The following PDE1A variants were observed in gnomAD, a reference collection of about 807,000 sequenced individuals.
PDE1A encodes the protein dual specificity calcium/calmodulin-dependent 3',5'-cyclic nucleotide phosphodiesterase 1A.
A neutral mutation model predicts 61.7 loss-of-function variants in PDE1A; 35 were observed. The ratio of observed to expected loss-of-function variants is 0.57; its 90% confidence interval spans 0.43 to 0.75. The LOEUF (loss-of-function observed/expected upper bound fraction) is 0.75. PDE1A is among the 30% of genes least tolerant of loss of function. The pLI, the probability that PDE1A is intolerant of heterozygous loss-of-function variation, is 0.00. For missense variants in PDE1A, 597 were observed against 630.6 expected (o/e 0.95, Z 0.57); for synonymous variants, 232 against 213.2 (o/e 1.09, Z -0.77).
intron 1 of PDE1A, among the ~76,000 whole-genome samples, chr2:182,313,350 G>T (rs1284406687): frequency 6.6e-6 from 1 of 152,160 alleles, no homozygotes; most frequent in Non-Finnish European, 1.5e-5. Flanking sequence ...GGAGGCAGGG[G>T]CTGCAGTGAG....
chr2:182,524,967 C>T (rs1690754251), upstream of PDE1A, among the ~76,000 whole-genome samples: 1 of 151,716 alleles, frequency 6.6e-6, no homozygotes, highest in African/African-American at 2.4e-5. Context: ...AATTTAGTAT[C>T]TACTATTGCC....
At chr2:182,237,449 G>C (rs1468497123) in intron 3 of PDE1A, among the ~76,000 whole-genome samples, 1 of 152,088 alleles carries the variant, frequency 6.6e-6, no homozygotes, top group Non-Finnish European at 1.5e-5. Flanking sequence ...CTGCACTCCA[G>C]CCTGGGTGAC....
intron 1 of PDE1A, among the ~76,000 whole-genome samples, chr2:182,357,852 A>C (rs1382465330): frequency 6.6e-6 from 1 of 152,238 alleles, no homozygotes; most frequent in African/African-American, 2.4e-5. Flanking sequence ...GTTAAGGCAC[A>C]TGCCTCAAAG....
At chr2:182,154,533 C>T (rs1690958001) in intron 13 of PDE1A, among the ~76,000 whole-genome samples, 1 of 152,104 alleles carries the variant, frequency 6.6e-6, no homozygotes, top group African/African-American at 2.4e-5. Flanking sequence ...ATCATGGGGG[C>T]AGTTTCCCCA....
chr2:182,343,262 A>G (rs1190875157), intron 1 of PDE1A, among the ~76,000 whole-genome samples: 4 of 152,222 alleles, frequency 2.6e-5, no homozygotes, highest in Non-Finnish European at 5.9e-5. Context: ...GAAATTTAAC[A>G]TTAAGCAGGC....
At chr2:182,627,169 A>AAT in the PDE1A span, among the ~76,000 whole-genome samples, 597 of 20,362 alleles carry the variant, frequency 0.029, 4 homozygotes, top group Admixed American at 0.054. Context: ...AAATATAAAT[A>AAT]ATATTTATAT....
At chr2:182,407,544 G>A (rs1045095749) in intron 1 of PDE1A, among the ~76,000 whole-genome samples, 7 of 152,014 alleles carry the variant, frequency 4.6e-5, no homozygotes, top group Non-Finnish European at 1.0e-4. Context: ...ATCACACCTG[G>A]CTAATTTTTG....
chr2:182,398,719 A>T (rs749336472), intron 1 of PDE1A, among the ~76,000 whole-genome samples: 7 of 152,106 alleles, frequency 4.6e-5, no homozygotes, highest in African/African-American at 7.2e-5. Context: ...GTGTAGGAGC[A>T]TACCGCTATC....
chr2:182,681,897 C>T, the PDE1A span, among the ~76,000 whole-genome samples: 759 of 152,270 alleles, frequency 5.0e-3, 7 homozygotes, highest in African/African-American at 0.017. Flanking sequence ...CCGCTCACCT[C>T]GGCCTCCCAA....
At chr2:182,659,850 G>T in the PDE1A span, among the ~76,000 whole-genome samples, 2 of 152,088 alleles carry the variant, frequency 1.3e-5, no homozygotes, top group Admixed American at 1.3e-4. Context: ...CATCTCAAAG[G>T]TAAAACAAAA....
chr2:182,228,848 C>G (rs1689342302), intron 6 of PDE1A, among the ~76,000 whole-genome samples: 1 of 152,142 alleles, frequency 6.6e-6, no homozygotes, highest in Admixed American at 6.6e-5. Context: ...GCCAGTGACA[C>G]ATTTTTGCTA....
At chr2:182,466,409 A>G (rs1257433499) in intron 2 of PDE1A, among the ~76,000 whole-genome samples, 1 of 152,032 alleles carries the variant, frequency 6.6e-6, no homozygotes, top group East Asian at 1.9e-4. Flanking sequence ...GTCATTGATA[A>G]CTTCTGCCAC....
At chr2:182,469,800 G>A (rs954486505) in intron 2 of PDE1A, among the ~76,000 whole-genome samples, 2 of 151,776 alleles carry the variant, frequency 1.3e-5, no homozygotes, top group Non-Finnish European at 2.9e-5. Context: ...AGGCCATAGA[G>A]GTCATTGAAA....
At chr2:182,375,529 C>T (rs1700352261) in intron 1 of PDE1A, among the ~76,000 whole-genome samples, 1 of 152,310 alleles carries the variant, frequency 6.6e-6, no homozygotes, top group Non-Finnish European at 1.5e-5. Context: ...GCAGCTCCAC[C>T]CCTGTGGCTT....
the PDE1A span, among the ~76,000 whole-genome samples, chr2:182,620,881 C>T: frequency 1.3e-5 from 2 of 152,102 alleles, no homozygotes; most frequent in Non-Finnish European, 2.9e-5. Flanking sequence ...TTAAGGAGAA[C>T]ACATTTTGTC....
chr2:182,385,401 T>C (rs1700971418), intron 1 of PDE1A, among the ~76,000 whole-genome samples: 2 of 151,846 alleles, frequency 1.3e-5, no homozygotes, highest in Non-Finnish European at 1.5e-5. Context: ...AATTATGACA[T>C]CAAAAAGTCA....
chr2:182,169,891 G>GACAC (rs748862736), intron 13 of PDE1A, among the ~76,000 whole-genome samples: 98 of 140,134 alleles, frequency 7.0e-4, no homozygotes, highest in South Asian at 3.2e-3. Flanking sequence ...GTGGACAGGA[G>GACAC]ACACACACAC....
intron 2 of PDE1A, among the ~76,000 whole-genome samples, chr2:182,521,375 T>C (rs898687479): frequency 5.3e-5 from 8 of 152,078 alleles, no homozygotes; most frequent in African/African-American, 1.9e-4. Context: ...AATATATTAA[T>C]ATTTTCATTT....
chr2:182,201,714 T>G (rs756013899), exon 9 of PDE1A: 22 of 1,609,280 alleles, frequency 1.4e-5, no homozygotes, highest in Non-Finnish European at 1.8e-5. Flanking sequence ...AACTGTTTCT[T>G]ATATTTTTAA....
Sources: gnomAD v4.1 joint callset for allele counts (sites outside exome capture counted in the v4.1 genomes callset) on GRCh38, gnomAD v4.1.1 for gene constraint, MANE v1.5 for transcripts, NCBI Gene and HGNC (gene_info 2026-07-23, HGNC 2026-07-21) for gene names.